The following SGCD variants were observed in gnomAD, a reference collection of about 807,000 sequenced individuals.
SGCD encodes the protein delta-sarcoglycan.
A neutral mutation model predicts 36.6 loss-of-function variants in SGCD; 18 were observed. The observed-to-expected ratio is 0.49, with a 90% confidence interval of 0.34 to 0.73. The LOEUF (loss-of-function observed/expected upper bound fraction) is 0.73. SGCD is among the 30% of genes least tolerant of loss of function. SGCD has a pLI of 0.01. For missense variants in SGCD, 387 were observed against 346.7 expected (o/e 1.12, Z -0.92); for synonymous variants, 133 against 130.6 (o/e 1.02, Z -0.12).
At chr5:156,124,752 G>C (rs1762130842) in intron 3 of SGCD, among the ~76,000 whole-genome samples, 1 of 151,988 alleles carries the variant, frequency 6.6e-6, no homozygotes, top group Non-Finnish European at 1.5e-5. Context: ...TAGAGTGTTG[G>C]GGAGGGAGGG....
At chr5:156,709,366 C>T (rs1173514707) in intron 7 of SGCD, among the ~76,000 whole-genome samples, 2 of 152,204 alleles carry the variant, frequency 1.3e-5, no homozygotes, top group Admixed American at 1.3e-4. Flanking sequence ...CTCCCACTCC[C>T]TTCCTTGTTC....
At position 156,124,582 on chromosome 5, in the gene SGCD, C is replaced by A. The variant is rs549607560; in HGVS notation, c.-44+563C>A. 8.5e-5 allele frequency among the ~76,000 whole-genome samples: 13 copies of A among 152,228 alleles called. No individual in the cohort carries two copies. The East Asian group carries it at 2.5e-3, about 29-fold the overall frequency. ...TGATAATTATCACAGTAACGATAGA[C>A]ACTAATCAACAAAGTATGCATTTGC... On this transcript the variant is annotated intron_variant, in intron 3 of 9. Coordinates refer to the SGCD transcript ENST00000517913.
the SGCD span, among the ~76,000 whole-genome samples, chr5:155,849,314 TA>T: frequency 6.6e-6 from 1 of 152,166 alleles, no homozygotes; most frequent in African/African-American, 2.4e-5. Context: ...ATTAATGAGC[TA>T]AAAATGCTAA....
At chr5:156,744,142 C>A (rs1206449582) in intron 7 of SGCD, among the ~76,000 whole-genome samples, 3 of 152,176 alleles carry the variant, frequency 2.0e-5, no homozygotes, top group East Asian at 1.9e-4. Context: ...CATAGTGAGA[C>A]CCCTGTCTCT....
intron 6 of SGCD, among the ~76,000 whole-genome samples, chr5:156,619,405 C>T (rs1256487137): frequency 1.3e-5 from 2 of 152,158 alleles, no homozygotes; most frequent in African/African-American, 4.8e-5. Context: ...ACTTGGATTT[C>T]TCTATCAAGC....
intron 1 of SGCD, among the ~76,000 whole-genome samples, chr5:155,898,844 A>G (rs1204192938): frequency 1.3e-5 from 2 of 152,156 alleles, no homozygotes; most frequent in Admixed American, 6.6e-5. Flanking sequence ...CATTTATTAG[A>G]GAGGAAAGTG....
intron 3 of SGCD, among the ~76,000 whole-genome samples, chr5:156,194,237 G>A (rs1199317881): frequency 6.6e-6 from 1 of 152,070 alleles, no homozygotes; most frequent in Non-Finnish European, 1.5e-5. Context: ...AAATTAGCTG[G>A]GCATGGTGGT....
intron 3 of SGCD, among the ~76,000 whole-genome samples, chr5:156,261,050 T>C (rs930728895): frequency 1.3e-5 from 2 of 152,154 alleles, no homozygotes; most frequent in African/African-American, 4.8e-5. Flanking sequence ...TATATGTTAC[T>C]AGTTTACCTT....
chr5:156,756,373 C>T (rs141282432), intron 7 of SGCD, among the ~76,000 whole-genome samples: 297 of 152,238 alleles, frequency 2.0e-3, no homozygotes, highest in Middle Eastern at 3.4e-3. Context: ...CATAGCAAGA[C>T]GCTATCTCTA....
intron 1 of SGCD, among the ~76,000 whole-genome samples, chr5:155,906,867 A>T (rs1756524225): frequency 8.6e-6 from 1 of 116,522 alleles, no homozygotes; most frequent in African/African-American, 2.8e-5. Flanking sequence ...GAAATCATTG[A>T]TGAAGGTGGC....
chr5:156,622,424 CTCTG>C (rs1253465438), intron 6 of SGCD, among the ~76,000 whole-genome samples: 2 of 132,226 alleles, frequency 1.5e-5, no homozygotes, highest in African/African-American at 5.6e-5. Flanking sequence ...CAGGGCAAGA[CTCTG>C]TCTAAAAAAT....
At chr5:156,238,198 C>T (rs1160637253) in intron 3 of SGCD, among the ~76,000 whole-genome samples, 1 of 152,188 alleles carries the variant, frequency 6.6e-6, no homozygotes. Flanking sequence ...CCGCCTTAGC[C>T]TTCCAAAGTG....
chr5:156,511,728 A>G (rs1029264272), intron 4 of SGCD, among the ~76,000 whole-genome samples: 8 of 152,150 alleles, frequency 5.3e-5, no homozygotes, highest in African/African-American at 1.7e-4. Context: ...TATCATGTTT[A>G]TATGTTTGGA....
At chr5:156,589,714 C>T (rs1181582926) in intron 5 of SGCD, among the ~76,000 whole-genome samples, 1 of 152,172 alleles carries the variant, frequency 6.6e-6, no homozygotes, top group Non-Finnish European at 1.5e-5. Context: ...AGGGACCATA[C>T]TTTATGGGCT....
At chr5:156,645,982 C>G (rs1763209189) in intron 6 of SGCD, among the ~76,000 whole-genome samples, 1 of 152,086 alleles carries the variant, frequency 6.6e-6, no homozygotes, top group African/African-American at 2.4e-5. Flanking sequence ...AAGGTACTAT[C>G]AACACACTTT....
At chr5:156,283,452 T>A (rs1378264244) in intron 3 of SGCD, among the ~76,000 whole-genome samples, 8 of 152,302 alleles carry the variant, frequency 5.3e-5, no homozygotes, top group African/African-American at 1.9e-4. Flanking sequence ...CCATTCTTTA[T>A]AGTATTTTTT....
intron 3 of SGCD, among the ~76,000 whole-genome samples, chr5:156,145,675 G>C (rs1762693498): frequency 6.6e-6 from 1 of 152,114 alleles, no homozygotes; most frequent in Admixed American, 6.6e-5. Context: ...AAAGTATAGA[G>C]TCCAAGAACT....
chr5:156,719,768 CA>C (rs1755402420), intron 7 of SGCD, among the ~76,000 whole-genome samples: 1 of 151,458 alleles, frequency 6.6e-6, no homozygotes, highest in Non-Finnish European at 1.5e-5. Context: ...AGGGAACCAA[CA>C]AGATGACCCT....
intron 3 of SGCD, among the ~76,000 whole-genome samples, chr5:156,429,446 G>A (rs1773831631): frequency 6.6e-6 from 1 of 151,596 alleles, no homozygotes; most frequent in South Asian, 2.1e-4. Flanking sequence ...ATATTTGGTT[G>A]GTGAATTTTT....
Sources: allele counts gnomAD v4.1 joint callset (sites outside exome capture counted in the v4.1 genomes callset), GRCh38; gene constraint gnomAD v4.1.1; transcripts MANE v1.5; gene names NCBI Gene and HGNC (gene_info 2026-07-23, HGNC 2026-07-21).